The following TAMM41 variants were observed in gnomAD, a reference collection of about 807,000 sequenced individuals.
TAMM41 encodes the protein TAM41 mitochondrial translocator assembly and maintenance homolog.
Under a neutral mutation model 44.1 loss-of-function variants are expected in TAMM41, and 36 were observed. The ratio of observed to expected loss-of-function variants is 0.82; its 90% confidence interval spans 0.63 to 1.08. The LOEUF (loss-of-function observed/expected upper bound fraction) is 1.08, where lower values mean the gene tolerates loss of function less well. TAMM41 is among the 50% of genes least tolerant of loss of function. TAMM41 has a pLI of 0.00. For synonymous variants in TAMM41, 164 were observed against 153.1 expected (o/e 1.07, Z -0.53); for missense variants, 417 against 404.3 (o/e 1.03, Z -0.27).
chr3:11,806,109 G>A (rs2077902113), intron 7 of TAMM41, among the ~76,000 whole-genome samples: 2 of 152,196 alleles, frequency 1.3e-5, no homozygotes, highest in South Asian at 4.1e-4. Context: ...CCCCAGCCAT[G>A]TGGAACTGCT....
chr3:11,736,827 T>A, the TAMM41 span, among the ~76,000 whole-genome samples: 3 of 152,234 alleles, frequency 2.0e-5, no homozygotes, highest in Non-Finnish European at 2.9e-5. Context: ...TTAGGGGAAA[T>A]TCTTCTGTAG....
In TAMM41 at chr3:11,807,162, C is replaced by G. The variant is rs57784696; in HGVS notation, c.937+671G>C. On this transcript the variant is annotated intron_variant, in intron 7 of 7. Transcript: ENST00000455809. Reference sequence around the variant, plus strand: ...TAAATGGGGGACCCCCTAGAGGGGACAGCGAAGACACTCTCCATGAGAGAA... The same window carrying G: ...TAAATGGGGGACCCCCTAGAGGGGAGAGCGAAGACACTCTCCATGAGAGAA... 2,171 of 1,318,882 alleles carry G rather than the reference C, an allele frequency of 1.6e-3. 12 individuals carry two copies. Among genetic ancestry groups the G allele is most frequent in the Middle Eastern group, 0.016 (55 of 3,510 alleles). The allele number at this position is 1,318,882 out of a possible 1,614,324, so 81.7% of individuals were successfully genotyped here.
the TAMM41 span, among the ~76,000 whole-genome samples, chr3:11,734,115 A>G: frequency 6.6e-6 from 1 of 152,320 alleles, no homozygotes; most frequent in East Asian, 1.9e-4. Context: ...GTGGGCAGCC[A>G]CTTCCCATCA....
chr3:11,749,100 A>G, the TAMM41 span, among the ~76,000 whole-genome samples: 2 of 151,652 alleles, frequency 1.3e-5, no homozygotes, highest in Admixed American at 1.3e-4. Flanking sequence ...TTTAGTAGAG[A>G]TGGGGTTTTG....
intron 3 of TAMM41, among the ~76,000 whole-genome samples, chr3:11,831,249 G>A (rs1221328278): frequency 6.6e-6 from 1 of 152,178 alleles, no homozygotes; most frequent in Non-Finnish European, 1.5e-5. Flanking sequence ...TTCTGTTTCA[G>A]GAGGCCTCGG....
intron 4 of TAMM41, among the ~76,000 whole-genome samples, chr3:11,822,998 A>G (rs1202742782): frequency 2.0e-5 from 3 of 152,214 alleles, no homozygotes; most frequent in African/African-American, 4.8e-5. Flanking sequence ...CTAATCAGCA[A>G]TGTATGAGGG....
At chr3:11,747,249 G>A in the TAMM41 span, among the ~76,000 whole-genome samples, 2 of 151,820 alleles carry the variant, frequency 1.3e-5, no homozygotes, top group Non-Finnish European at 2.9e-5. Flanking sequence ...TTTTAGTAGA[G>A]ACGGGGTTTC....
chr3:11,729,495 C>G, the TAMM41 span, among the ~76,000 whole-genome samples: 1 of 145,736 alleles, frequency 6.9e-6, no homozygotes, highest in Non-Finnish European at 1.5e-5. Context: ...CCCTGTTACC[C>G]TGTCTTTTTC....
the TAMM41 span, among the ~76,000 whole-genome samples, chr3:11,775,864 C>CT: frequency 2.6e-5 from 4 of 152,196 alleles, no homozygotes; most frequent in East Asian, 7.7e-4. Context: ...TGAACTGTTT[C>CT]TTTTTTAAGA....
chr3:11,772,700 T>C, the TAMM41 span, among the ~76,000 whole-genome samples: 256 of 152,154 alleles, frequency 1.7e-3, 1 homozygote, highest in African/African-American at 6.1e-3. Context: ...GGGATTGGAG[T>C]CTAATGGTAG....
At chr3:11,770,159 G>C in the TAMM41 span, among the ~76,000 whole-genome samples, 1 of 152,214 alleles carries the variant, frequency 6.6e-6, no homozygotes, top group Admixed American at 6.5e-5. Context: ...GCGAGAAGCA[G>C]GTGCCTCTTC....
chr3:11,841,119 G>T (rs1297965314), intron 2 of TAMM41, among the ~76,000 whole-genome samples: 1 of 102,046 alleles, frequency 9.8e-6, no homozygotes, highest in African/African-American at 3.9e-5. Flanking sequence ...GTCTTACTCT[G>T]TTGCCCATGC....
At chr3:11,722,274 G>A in the TAMM41 span, among the ~76,000 whole-genome samples, 33 of 152,238 alleles carry the variant, frequency 2.2e-4, no homozygotes, top group Admixed American at 1.4e-3. Context: ...CCTTACATCA[G>A]CATTAGCGTG....
chr3:11,825,279 T>C (rs2078701904), intron 4 of TAMM41, among the ~76,000 whole-genome samples: 1 of 152,308 alleles, frequency 6.6e-6, no homozygotes, highest in Non-Finnish European at 1.5e-5. Flanking sequence ...TCTAAAAAGT[T>C]TGGGTATTGT....
intron 3 of TAMM41, among the ~76,000 whole-genome samples, chr3:11,834,058 C>A (rs1029082486): frequency 3.3e-5 from 5 of 152,050 alleles, no homozygotes; most frequent in African/African-American, 1.2e-4. Context: ...GTCTGGGCAA[C>A]ATGGCAAAAC....
chr3:11,738,378 A>G, the TAMM41 span, among the ~76,000 whole-genome samples: 1 of 152,182 alleles, frequency 6.6e-6, no homozygotes, highest in Non-Finnish European at 1.5e-5. Context: ...GAACAATAAT[A>G]CCCATCTTTT....
At chr3:11,724,982 A>G in the TAMM41 span, 1 of 152,398 alleles carries the variant, frequency 6.6e-6, no homozygotes, top group African/African-American at 2.4e-5. Context: ...CCCCATAGGT[A>G]ACTGACTCCT....
intron 2 of TAMM41, chr3:11,843,666 C>T (rs4684822): frequency 0.14 from 23,696 of 168,040 alleles, 2,174 homozygotes; most frequent in Non-Finnish European, 0.19. Flanking sequence ...CAGTGAGCTG[C>T]GATCACACCA....
At position 11,790,574 on chromosome 3, in the gene TAMM41, C is replaced by T; in HGVS notation, c.945G>A (p.Lys315=). The T allele has an allele frequency of 6.2e-7, 1 of 1,613,726 alleles. No individual in the cohort carries two copies. The highest frequency in any genetic ancestry group is 1.1e-5 in the South Asian group (1 of 91,052). Residue 315 remains lysine, a synonymous_variant, in exon 8 of 8, where the codon AAG becomes AAA. Coordinates refer to ENST00000455809, the MANE Select transcript of TAMM41 (RefSeq NM_001284401.2). The part of the protein sequence containing the change: ...STKGIFTAGL[K]KSVIYSSLKL... ...TTAGTGAACTATAAATCACTGACTT[C>T]TTCAGGCCTAAAAGAGAAAAGATGA... is the stretch of plus-strand genomic sequence containing the variant.
Sources: gnomAD v4.1 joint callset for allele counts (sites outside exome capture counted in the v4.1 genomes callset) on GRCh38, gnomAD v4.1.1 for gene constraint, MANE v1.5 for transcripts, NCBI Gene and HGNC (gene_info 2026-07-23, HGNC 2026-07-21) for gene names.